Variants in FYN observed in about 807,000 individuals in gnomAD.
The protein encoded by FYN is FYN proto-oncogene, Src family tyrosine kinase.
A neutral mutation model predicts 70.2 loss-of-function variants in FYN; 10 were observed. The ratio of observed to expected loss-of-function variants is 0.14; its 90% CI spans 0.09 to 0.24. The LOEUF is 0.24. FYN is among the 10% of genes least tolerant of loss of function. The pLI, the probability that FYN is intolerant of heterozygous loss-of-function variation, is 1.00. For synonymous variants in FYN, 236 were observed against 248.6 expected (o/e 0.95, Z 0.48); for missense variants, 319 against 673.1 (o/e 0.47, Z 5.82).
chr6:111,782,643 G>A (rs1771218332), intron 2 of FYN, among the ~76,000 whole-genome samples: 1 of 152,200 alleles, frequency 6.6e-6, no homozygotes, highest in South Asian at 2.1e-4. Context: ...TGTGACACAA[G>A]CATAATGCCT....
At chr6:111,703,117 T>A (rs1799918058) in intron 7 of FYN, 83 bp from the exon 8 acceptor site, 13 of 1,316,556 alleles carry the variant, frequency 9.9e-6, no homozygotes, top group South Asian at 1.3e-5. Flanking sequence ...TGACTCTGAT[T>A]AATAATTACC....
intron 5 of FYN, among the ~76,000 whole-genome samples, chr6:111,710,031 T>C (rs979634601): frequency 1.3e-5 from 2 of 152,170 alleles, no homozygotes; most frequent in East Asian, 1.9e-4. Flanking sequence ...TTCACTTTAA[T>C]ATAGTGACAA....
chr6:111,705,381 C>CT (rs1800027748), intron 6 of FYN, among the ~76,000 whole-genome samples: 1 of 147,002 alleles, frequency 6.8e-6, no homozygotes, highest in African/African-American at 2.6e-5. Context: ...TCATCTTCTT[C>CT]TTCTTTTTTT....
chr6:111,748,166 T>C (rs1014587888), intron 3 of FYN, among the ~76,000 whole-genome samples: 8 of 152,258 alleles, frequency 5.3e-5, no homozygotes, highest in African/African-American at 1.9e-4. Flanking sequence ...AGTTTAACAA[T>C]TATTTCTTAG....
At chr6:111,866,009 C>T (rs1774093337) in intron 1 of FYN, among the ~76,000 whole-genome samples, 1 of 152,204 alleles carries the variant, frequency 6.6e-6, no homozygotes, top group Non-Finnish European at 1.5e-5. Context: ...AAATCTCTTT[C>T]TAAAATATTC....
intron 3 of FYN, chr6:111,754,671 T>G (rs1802637045): frequency 6.6e-6 from 1 of 152,234 alleles, no homozygotes; most frequent in South Asian, 2.1e-4. Context: ...CATTCTCATT[T>G]GCTTTCCTTG....
At chr6:111,748,198 T>C (rs1399718945) in intron 3 of FYN, among the ~76,000 whole-genome samples, 1 of 152,268 alleles carries the variant, frequency 6.6e-6, no homozygotes, top group Non-Finnish European at 1.5e-5. Context: ...TTAGACTGAC[T>C]TGGGGAATAG....
In FYN at chr6:111,770,318, T is replaced by C. The variant is rs115626001; in HGVS notation, c.-12+10248A>G. Among the ~76,000 whole-genome samples the C allele has an allele frequency of 9.5e-4, 144 of 152,356 alleles. 1 individual carries two copies. Among genetic ancestry groups the C allele is most frequent in the African/African-American group, 3.3e-3 (138 of 41,590 alleles). On this transcript the variant is annotated intron_variant, in intron 3 of 13. Transcript: ENST00000354650. ...ATTTTACTCATTTCATTCTACTTTCTTCTAAACTGGCTTCTAGATAGCTTT... is the reference window on the plus strand; with the variant it reads ...ATTTTACTCATTTCATTCTACTTTCCTCTAAACTGGCTTCTAGATAGCTTT...
In FYN at chr6:111,732,551, C is replaced by T. The variant is rs530905579; in HGVS notation, c.-11-12489G>A. Among the ~76,000 whole-genome samples the T allele has an allele frequency of 2.6e-5, 4 of 152,288 alleles. No individual in the cohort carries two copies. The South Asian group carries it at 6.2e-4, about 24-fold the overall frequency. On this transcript the variant is annotated intron_variant, in intron 3 of 13. Coordinates refer to ENST00000354650, the MANE Select transcript of FYN (RefSeq NM_002037.5). ...TGCCTGCTATCCCCTCGCTGTCCCA[C>T]CAAATCCACCCCACCCTCCTCCATC...
At chr6:111,714,507 T>C in intron 4 of FYN, 64 bp from the exon 5 acceptor site, 2 of 1,137,108 alleles carry the variant, frequency 1.8e-6, no homozygotes, top group South Asian at 2.5e-5. Context: ...TCCAAGAAAT[T>C]AAATCTTCAC....
At position 111,795,366 on chromosome 6, in the gene FYN, C is replaced by A. The variant is rs577553552; in HGVS notation, c.-81-14731G>T. Among the ~76,000 whole-genome samples, 82 of 152,256 alleles carry A rather than the reference C, an allele frequency of 5.4e-4. No homozygotes were observed. In the South Asian group the frequency reaches 0.017, roughly 32 times the overall value. On this transcript the variant is annotated intron_variant, in intron 2 of 13. Transcript: ENST00000354650. Reference sequence around the variant, plus strand: ...GCCATCTACAAGCCAAAGAGAGAGGCCTCAGGAGAAACCAAACCTGCTGAC... The same window carrying A: ...GCCATCTACAAGCCAAAGAGAGAGGACTCAGGAGAAACCAAACCTGCTGAC...
At chr6:111,789,304 G>C (rs766707944) in intron 2 of FYN, among the ~76,000 whole-genome samples, 1 of 152,134 alleles carries the variant, frequency 6.6e-6, no homozygotes, top group Non-Finnish European at 1.5e-5. Context: ...CTGGACTGGA[G>C]AGATAAAGAT....
intron 2 of FYN, among the ~76,000 whole-genome samples, chr6:111,790,344 A>C (rs1425739871): frequency 1.3e-5 from 2 of 151,584 alleles, no homozygotes; most frequent in Non-Finnish European, 2.9e-5. Context: ...GTGCAACAGA[A>C]CAGCTCTGGT....
intron 2 of FYN, among the ~76,000 whole-genome samples, chr6:111,786,136 C>T (rs557430212): frequency 4.3e-4 from 65 of 149,690 alleles, no homozygotes; most frequent in East Asian, 1.2e-3. Flanking sequence ...TGTATACATG[C>T]GCCATGTTGG....
chr6:111,694,750 T>A lies in FYN; in HGVS notation c.1043-46A>T, dbSNP rs1799501867. The A allele has an allele frequency of 2.0e-6, 3 of 1,512,524 alleles. No individual in the cohort carries two copies. In the African/African-American group the frequency reaches 4.1e-5, roughly 21 times the overall value. 93.7% of individuals were successfully genotyped at this position (1,512,524 alleles called of 1,614,324 possible). On this transcript the variant is annotated intron_variant, in intron 10 of 13. Transcript: ENST00000354650. The surrounding 1 kb of genome is among the most constrained non-coding windows in gnomAD (Gnocchi z 5.0). ...CATTTCAATTTACTTTGAAAGATAATTCCCAACAGAGAGCTGTATTTGGTT... is the reference window on the plus strand; with the variant it reads ...CATTTCAATTTACTTTGAAAGATAAATCCCAACAGAGAGCTGTATTTGGTT...
intron 2 of FYN, among the ~76,000 whole-genome samples, chr6:111,832,868 G>A (rs1240736824): frequency 1.3e-5 from 2 of 152,096 alleles, no homozygotes; most frequent in Non-Finnish European, 2.9e-5. Flanking sequence ...TTTCTGGCCT[G>A]GGATCAAGTA....
At chr6:111,841,185 C>G (rs1406730935) in intron 2 of FYN, among the ~76,000 whole-genome samples, 4 of 152,202 alleles carry the variant, frequency 2.6e-5, no homozygotes, top group Admixed American at 2.6e-4. Flanking sequence ...GATGCCACCC[C>G]TGGAAGTCAT....
rs1799470263 is a variant in FYN at position 111,694,130 on chromosome 6, A to G, written c.1273+245T>C. Among the ~76,000 whole-genome samples the G allele has an allele frequency of 6.6e-6, 1 of 152,194 alleles. No individual in the cohort carries two copies. On this transcript the variant is annotated intron_variant, in intron 12 of 13. Transcript: ENST00000354650. This position sits in a 1 kb window ranked among gnomAD's most constrained non-coding sequence, Gnocchi z 5.0. ...GACCAGCATGAGCCAAGAGGACCAC[A>G]GCAGCAAATACCAATACCCACCCAC...
At chr6:111,706,923 A>C (rs180723682) in intron 6 of FYN, among the ~76,000 whole-genome samples, 81 of 152,312 alleles carry the variant, frequency 5.3e-4, no homozygotes, top group African/African-American at 1.9e-3. Context: ...ACTAAGAACC[A>C]CTGAGTATTT....
Sources: allele counts gnomAD v4.1 joint callset (sites outside exome capture counted in the v4.1 genomes callset), GRCh38; gene constraint gnomAD v4.1.1; non-coding constraint Gnocchi (gnomAD v3.1); transcripts MANE v1.5; gene names NCBI Gene and HGNC (gene_info 2026-07-23, HGNC 2026-07-21).